ALK: variants seen among roughly 807,000 people sequenced by gnomAD.
ALK encodes the protein ALK receptor tyrosine kinase, also known as ALK tyrosine kinase receptor.
A neutral mutation model predicts 163.1 loss-of-function variants in ALK; 74 were observed. The observed-to-expected ratio is 0.45, with a 90% CI of 0.38 to 0.55. The LOEUF is 0.55. ALK is among the 20% of genes least tolerant of loss of function. ALK has a pLI of 0.00. For synonymous variants in ALK, 960 were observed against 843.2 expected (o/e 1.14, Z -2.40); for missense variants, 2,063 against 2,105.3 (o/e 0.98, Z 0.39).
At chr2:29,410,221 T>C (rs11681861) in intron 4 of ALK, among the ~76,000 whole-genome samples, 1 of 152,254 alleles carries the variant, frequency 6.6e-6, no homozygotes, top group African/African-American at 2.4e-5. Flanking sequence ...AGGGCAACCC[T>C]GCCTCCCATT....
At chr2:29,304,683 TG>T (rs1034706047) in intron 8 of ALK, among the ~76,000 whole-genome samples, 11 of 152,202 alleles carry the variant, frequency 7.2e-5, no homozygotes. Flanking sequence ...CTGCTGACTA[TG>T]GCATAATTTG....
chr2:29,435,971 C>T (rs1221689458), intron 4 of ALK, among the ~76,000 whole-genome samples: 2 of 152,176 alleles, frequency 1.3e-5, no homozygotes, highest in East Asian at 3.9e-4. Flanking sequence ...ATCTGGAGAA[C>T]TTTTCCTGGA....
At chr2:29,696,849 G>A in intron 2 of ALK, among the ~76,000 whole-genome samples, 1 of 151,642 alleles carries the variant, frequency 6.6e-6, no homozygotes, top group East Asian at 1.9e-4. Context: ...ACTGCTCTGG[G>A]AGAAGCTGTC....
At chr2:29,338,424 C>A (rs1667689796) in intron 5 of ALK, among the ~76,000 whole-genome samples, 1 of 152,146 alleles carries the variant, frequency 6.6e-6, no homozygotes. Flanking sequence ...CTGCCATGTC[C>A]CTTCACATCT....
intron 1 of ALK, among the ~76,000 whole-genome samples, chr2:29,854,129 C>T (rs776140604): frequency 2.6e-5 from 4 of 152,178 alleles, no homozygotes; most frequent in Admixed American, 2.0e-4. Flanking sequence ...GGGTCTTTCT[C>T]GCACGTCATT....
intron 4 of ALK, among the ~76,000 whole-genome samples, chr2:29,526,459 T>C (rs950232223): frequency 1.3e-5 from 2 of 152,232 alleles, no homozygotes; most frequent in Non-Finnish European, 2.9e-5. Flanking sequence ...AAAATTACCT[T>C]TAGAGCCTTT....
At chr2:29,845,067 G>A (rs1351984212) in intron 1 of ALK, among the ~76,000 whole-genome samples, 1 of 152,174 alleles carries the variant, frequency 6.6e-6, no homozygotes, top group Non-Finnish European at 1.5e-5. Flanking sequence ...ATGGATGTGA[G>A]TTTACTCATT....
intron 5 of ALK, among the ~76,000 whole-genome samples, chr2:29,340,255 T>C (rs1004408220): frequency 3.3e-5 from 5 of 152,232 alleles, no homozygotes; most frequent in African/African-American, 1.2e-4. Flanking sequence ...CTTGGAGAAC[T>C]AGTACTAATC....
chr2:29,632,130 A>C (rs1676395885), intron 3 of ALK, among the ~76,000 whole-genome samples: 1 of 152,200 alleles, frequency 6.6e-6, no homozygotes, highest in Admixed American at 6.5e-5. Context: ...CCCCCAGGAT[A>C]GGTGGTAACT....
At chr2:29,797,897 C>T (rs1190751627) in intron 1 of ALK, among the ~76,000 whole-genome samples, 1 of 152,026 alleles carries the variant, frequency 6.6e-6, no homozygotes, top group Non-Finnish European at 1.5e-5. Flanking sequence ...AAAGCTTTAG[C>T]TGTGGCCATC....
At chr2:29,881,373 T>G (rs1263704943) in intron 1 of ALK, among the ~76,000 whole-genome samples, 1 of 152,196 alleles carries the variant, frequency 6.6e-6, no homozygotes, top group Non-Finnish European at 1.5e-5. Context: ...AATTATGATC[T>G]TCCCTCTTCT....
intron 12 of ALK, among the ~76,000 whole-genome samples, chr2:29,242,238 G>A (rs765235554): frequency 1.3e-5 from 2 of 152,118 alleles, no homozygotes; most frequent in Non-Finnish European, 2.9e-5. Context: ...GTCCTGGTCA[G>A]GCTGCATAAA....
chr2:29,553,581 C>T (rs1199319740), intron 3 of ALK, among the ~76,000 whole-genome samples: 1 of 152,176 alleles, frequency 6.6e-6, no homozygotes, highest in Admixed American at 6.5e-5. Flanking sequence ...TCCTTGACAG[C>T]AGGGGTGGGT....
chr2:29,743,176 T>C (rs2148326158), intron 1 of ALK, among the ~76,000 whole-genome samples: 1 of 152,348 alleles, frequency 6.6e-6, no homozygotes, highest in East Asian at 1.9e-4. Context: ...ACAATCCATT[T>C]TTCCATATTG....
At chr2:29,244,751 C>G (rs1360551254) in intron 12 of ALK, among the ~76,000 whole-genome samples, 1 of 152,250 alleles carries the variant, frequency 6.6e-6, no homozygotes, top group Non-Finnish European at 1.5e-5. Flanking sequence ...CCATCTCTGA[C>G]ATTCCCTGGT....
In ALK at chr2:29,337,527, C is replaced by T. The variant is rs74827880; in HGVS notation, c.1283-9046G>A. Among the ~76,000 whole-genome samples, 455 of 152,292 alleles carry T rather than the reference C, an allele frequency of 3.0e-3. 3 individuals carry two copies. Among genetic ancestry groups the T allele is most frequent in the African/African-American group, 9.7e-3 (403 of 41,540 alleles). On this transcript the variant is annotated intron_variant, in intron 5 of 28. Coordinates refer to ENST00000389048, the MANE Select transcript of ALK (RefSeq NM_004304.5). ...TCCACACACGCCTATATCAGAACCA[C>T]GCAGGAGCTTCCTGGGCCTGACTTC... is the stretch of plus-strand genomic sequence containing the variant.
chr2:29,755,498 C>T lies in ALK; in HGVS notation c.668-37801G>A, dbSNP rs540826400. Among the ~76,000 whole-genome samples the T allele has an allele frequency of 2.8e-4, 43 of 152,264 alleles. 1 individual carries two copies. Among genetic ancestry groups the T allele is most frequent in the South Asian group, 2.5e-3 (12 of 4,822 alleles). On this transcript the variant is annotated intron_variant, in intron 1 of 28. Transcript: ENST00000389048. ...CTCAGGTAACCGGAATTTCAAAGGG[C>T]CCAGGATGGAAAACGTTAGCTTCAA...
At chr2:29,471,988 C>A (rs929973921) in intron 4 of ALK, among the ~76,000 whole-genome samples, 1 of 152,148 alleles carries the variant, frequency 6.6e-6, no homozygotes, top group African/African-American at 2.4e-5. Context: ...GGTGATCCAC[C>A]CACCGTGGCC....
Position 29,882,460 on chromosome 2 carries a change from C to G in ALK, c.667+37533G>C, listed in dbSNP as rs146546718. On this transcript the variant is annotated intron_variant, in intron 1 of 28. Transcript: ENST00000389048. ...CCTGTAATCCCAGCACTTTCGGAGG[C>G]TGAGGCAGGTGCATCACAAGGTCAA... 5.1e-3 allele frequency among the ~76,000 whole-genome samples: 776 copies of G among 152,292 alleles called. 5 individuals are homozygous for G. Among genetic ancestry groups the G allele is most frequent in the Non-Finnish European group, 7.8e-3 (531 of 68,012 alleles).
Sources: gnomAD v4.1 joint callset for allele counts (sites outside exome capture counted in the v4.1 genomes callset) on GRCh38, gnomAD v4.1.1 for gene constraint, MANE v1.5 for transcripts, NCBI Gene and HGNC (gene_info 2026-07-23, HGNC 2026-07-21) for gene names.